The following KIFAP3 variants were observed in gnomAD, a reference collection of about 807,000 sequenced individuals.
KIFAP3 encodes the protein kinesin-associated protein 3.
In KIFAP3, 68 loss-of-function variants were observed where a neutral mutation model predicts 106.5. The ratio of observed to expected loss-of-function variants is 0.64; its 90% CI spans 0.53 to 0.78. The LOEUF (loss-of-function observed/expected upper bound fraction) is 0.78, where lower values mean the gene tolerates loss of function less well. Among genes scored for constraint, KIFAP3 ranks in the 30% least tolerant of loss-of-function variants. KIFAP3 has a pLI of 0.00. For synonymous variants in KIFAP3, 320 were observed against 311.5 expected (o/e 1.03, Z -0.29); for missense variants, 780 against 941.8 (o/e 0.83, Z 2.25).
At chr1:170,041,589 G>A in intron 3 of KIFAP3, 1 of 999,872 alleles carries the variant, frequency 1.0e-6, no homozygotes, top group Middle Eastern at 2.8e-4. Context: ...GCATTTCAGA[G>A]GCCCGGAGAT....
chr1:169,958,796 A>C (rs1665168006), intron 18 of KIFAP3, among the ~76,000 whole-genome samples: 1 of 152,198 alleles, frequency 6.6e-6, no homozygotes, highest in African/African-American at 2.4e-5. Flanking sequence ...TACTAAAGCA[A>C]ACAGCTTCAT....
Position 170,000,346 on chromosome 1 carries a change from T to C in KIFAP3, c.1184-8091A>G, listed in dbSNP as rs548557987. 2.2e-4 allele frequency among the ~76,000 whole-genome samples: 34 copies of C among 152,172 alleles called. 1 individual carries two copies. The South Asian group carries it at 6.6e-3, about 30-fold the overall frequency. ...TCACAGAGGCTCCATGAAAAGATAA[T>C]AGAAGTGGGAATATAAGCACACCTA... On this transcript the variant is annotated intron_variant, in intron 10 of 19. Coordinates refer to ENST00000361580, the MANE Select transcript of KIFAP3 (RefSeq NM_014970.4).
At chr1:169,998,438 C>A (rs923429604) in intron 10 of KIFAP3, among the ~76,000 whole-genome samples, 2 of 148,030 alleles carry the variant, frequency 1.4e-5, no homozygotes, top group Non-Finnish European at 1.5e-5. Flanking sequence ...ACACACACAC[C>A]ACACACACTT....
intron 10 of KIFAP3, among the ~76,000 whole-genome samples, chr1:170,010,336 TATA>T (rs897206532): frequency 1.3e-5 from 2 of 151,958 alleles, no homozygotes; most frequent in African/African-American, 4.8e-5. Flanking sequence ...AATAATTATT[TATA>T]ATATTCTTTA....
chr1:169,992,799 A>G (rs1558227123), intron 10 of KIFAP3, among the ~76,000 whole-genome samples: 1 of 152,178 alleles, frequency 6.6e-6, no homozygotes, highest in Non-Finnish European at 1.5e-5. Flanking sequence ...CTTCTAAGGT[A>G]AGATTATTCT....
At chr1:170,066,384 T>C (rs1233337110) in intron 1 of KIFAP3, among the ~76,000 whole-genome samples, 2 of 152,168 alleles carry the variant, frequency 1.3e-5, no homozygotes, top group Non-Finnish European at 2.9e-5. Context: ...TATATTTCTA[T>C]TACTAACATT....
chr1:169,989,499 G>A (rs1666996361), intron 11 of KIFAP3, among the ~76,000 whole-genome samples: 1 of 151,986 alleles, frequency 6.6e-6, no homozygotes, highest in Non-Finnish European at 1.5e-5. Context: ...CTGCAAAGCA[G>A]AAACCTTTAG....
At chr1:169,928,001 T>G (rs757169018) in intron 19 of KIFAP3, among the ~76,000 whole-genome samples, 1 of 152,132 alleles carries the variant, frequency 6.6e-6, no homozygotes, top group Non-Finnish European at 1.5e-5. Context: ...GAAGAACCTA[T>G]TACAGCTGTC....
At chr1:169,996,218 C>G (rs1176919326) in intron 10 of KIFAP3, among the ~76,000 whole-genome samples, 3 of 151,944 alleles carry the variant, frequency 2.0e-5, no homozygotes, top group African/African-American at 4.8e-5. Flanking sequence ...TGCAGTTCTC[C>G]CACACCTTCC....
chr1:169,982,871 A>G lies in KIFAP3; in HGVS notation c.1507-4T>C. On this transcript the variant is annotated splice_polypyrimidine_tract_variant and splice_region_variant and intron_variant, in intron 13 of 19. Coordinates refer to ENST00000361580, the MANE Select transcript of KIFAP3 (RefSeq NM_014970.4). Reference sequence around the variant, plus strand: ...CTGCAAGGTCCCCAACATAATCCTGAATAAAACATAATTTTAATATAAATT... The same window carrying G: ...CTGCAAGGTCCCCAACATAATCCTGGATAAAACATAATTTTAATATAAATT... The G allele has an allele frequency of 7.4e-7, 1 of 1,348,102 alleles. No homozygotes were observed. Among genetic ancestry groups the G allele is most frequent in the Non-Finnish European group, 9.8e-7 (1 of 1,023,296 alleles). 83.5% of individuals were successfully genotyped at this position (1,348,102 alleles called of 1,614,324 possible).
chr1:169,995,252 T>A (rs1667313914), intron 10 of KIFAP3, among the ~76,000 whole-genome samples: 1 of 152,142 alleles, frequency 6.6e-6, no homozygotes, highest in Non-Finnish European at 1.5e-5. Context: ...AGGTTAAACA[T>A]GAAAAATTCC....
chr1:170,026,610 G>A (rs1197265817), intron 8 of KIFAP3, among the ~76,000 whole-genome samples: 1 of 152,174 alleles, frequency 6.6e-6, no homozygotes, highest in Non-Finnish European at 1.5e-5. Flanking sequence ...GAAGAAGAAA[G>A]AGCTGAGCAG....
In KIFAP3 at chr1:169,982,753, C is replaced by T. The variant is rs935089204; in HGVS notation, c.1621G>A (p.Val541Ile). 1.9e-6 allele frequency: 3 copies of T among 1,610,692 alleles called. No homozygotes were observed. Among genetic ancestry groups the T allele is most frequent in the Non-Finnish European group, 2.5e-6 (3 of 1,177,950 alleles). Reference sequence around the variant, plus strand: ...GGAACCAACTTATATTCTTTAAGAACCAATTCCCAGTCTAAGTCTGGAATG... The same window carrying T: ...GGAACCAACTTATATTCTTTAAGAATCAATTCCCAGTCTAAGTCTGGAATG... ...LTIPDLDWELVLKEYKLVPYL... is the reference protein window; with the variant it reads ...LTIPDLDWELILKEYKLVPYL... Residue 541 changes from valine to isoleucine, a missense_variant, in exon 14 of 20, where the codon GTT (valine) becomes ATT (isoleucine). Around this residue, in one of 3 missense-constraint regions of KIFAP3, gnomAD observed 588 missense variants for 678.9 expected, o/e 0.87. Transcript: ENST00000361580.
At chr1:170,050,017 T>C (rs1670490621) in intron 2 of KIFAP3, among the ~76,000 whole-genome samples, 1 of 151,976 alleles carries the variant, frequency 6.6e-6, no homozygotes, top group African/African-American at 2.4e-5. Context: ...GAAGTAGGCA[T>C]CAGAAGGTGG....
intron 19 of KIFAP3, among the ~76,000 whole-genome samples, chr1:169,932,688 G>GTATGTC (rs1311245529): frequency 7.2e-6 from 1 of 139,670 alleles, no homozygotes; most frequent in Non-Finnish European, 1.5e-5. Context: ...CATAACACCA[G>GTATGTC]ACTTTTTTTT....
intron 3 of KIFAP3, among the ~76,000 whole-genome samples, chr1:170,045,063 T>C (rs1009221829): frequency 6.6e-6 from 1 of 152,170 alleles, no homozygotes; most frequent in African/African-American, 2.4e-5. Context: ...CTGCTTTCTT[T>C]GGTAGCAGGA....
intron 1 of KIFAP3, among the ~76,000 whole-genome samples, chr1:170,061,623 G>C (rs935481576): frequency 3.9e-5 from 6 of 152,112 alleles, no homozygotes; most frequent in Non-Finnish European, 8.8e-5. Context: ...CAAGGATCTA[G>C]AACTAGAAAT....
intron 10 of KIFAP3, among the ~76,000 whole-genome samples, chr1:170,004,817 A>C (rs1393082536): frequency 1.3e-5 from 2 of 150,630 alleles, no homozygotes; most frequent in East Asian, 3.9e-4. Flanking sequence ...CATGTCTAAA[A>C]CACCAAAAGC....
intron 19 of KIFAP3, among the ~76,000 whole-genome samples, chr1:169,935,898 C>A (rs1663772185): frequency 6.6e-6 from 1 of 151,886 alleles, no homozygotes; most frequent in Admixed American, 6.6e-5. Context: ...GGTCTGAGTT[C>A]TATCTAATTC....
Sources: allele counts gnomAD v4.1 joint callset (sites outside exome capture counted in the v4.1 genomes callset), GRCh38; gene constraint gnomAD v4.1.1; regional missense constraint gnomAD v4.1.1; transcripts MANE v1.5; gene names NCBI Gene and HGNC (gene_info 2026-07-23, HGNC 2026-07-21).